Variants in OR10H2 observed in about 807,000 individuals in gnomAD.
OR10H2 encodes the protein olfactory receptor family 10 subfamily H member 2, also known as olfactory receptor 10H2.
A neutral mutation model predicts 0.8 loss-of-function variants in OR10H2; 1 was observed. The observed-to-expected ratio is 1.23, with a 90% CI of 0.44 to 5.84. The LOEUF is 5.84. OR10H2 is among the 30% of genes most tolerant of loss of function. OR10H2 has a pLI of 0.15. For missense variants in OR10H2, 355 were observed against 405.9 expected, an observed-to-expected ratio of 0.87 and a Z score of 1.08; for synonymous variants, 204 against 174.3, an observed-to-expected ratio of 1.17 and a Z score of -1.34.
rs201267971 is a variant in OR10H2, at chr19:15,728,291, C to T, written c.248C>T (p.Ala83Val). Residue 83 changes from alanine (A) to valine (V), a missense_variant, in exon 1 of 1, where the codon GCC becomes GTC. Ala to Val is a moderately conservative substitution (Grantham distance 64). Coordinates refer to ENST00000305899, the MANE Select transcript of OR10H2 (RefSeq NM_013939.2). ...YTVAIIPRML[A>V]DLLSTQRSIA... Reference sequence around the variant, plus strand: ...GTGGCCATCATCCCGCGCATGCTGGCCGACCTGCTGTCCACCCAGCGCTCC... The same window carrying T: ...GTGGCCATCATCCCGCGCATGCTGGTCGACCTGCTGTCCACCCAGCGCTCC... 6.2e-7 allele frequency: 1 copy of T among 1,613,082 alleles called. No individual in the cohort carries two copies. Among genetic ancestry groups the T allele is most frequent in the East Asian group, 2.2e-5 (1 of 44,872 alleles).
Position 15,728,790 on chromosome 19 carries a change from C to T in OR10H2, c.747C>T (p.Val249=), listed in dbSNP as rs769701922. The T allele has an allele frequency of 6.2e-7, 1 of 1,614,178 alleles. No homozygotes were observed. The highest frequency in any genetic ancestry group is 2.2e-5 in the East Asian group (1 of 44,882). Residue 249 remains valine, a synonymous_variant, in exon 1 of 1, where the codon GTC becomes GTT. Coordinates refer to ENST00000305899, the MANE Select transcript of OR10H2 (RefSeq NM_013939.2). ...CCTGTGCCTCTCACCTTATTGTGGTCATTGTGCACTATGGCTTTGCCTCTG... is the reference window on the plus strand; with the variant it reads ...CCTGTGCCTCTCACCTTATTGTGGTTATTGTGCACTATGGCTTTGCCTCTG... ...FSTCASHLIV[V]IVHYGFASVI...
chr19:15,728,448 C>G lies in OR10H2; in HGVS notation c.405C>G (p.Leu135=), dbSNP rs1568435712. Residue 135 remains leucine (L), a synonymous_variant, in exon 1 of 1, where the codon CTC becomes CTG. Transcript: ENST00000305899. ...GCCACCCCCTGCGCTACAACGTGCT[C>G]ATGAGCCCACGGGGCTGCGCCTGCC... is the stretch of plus-strand genomic sequence containing the variant. The part of the protein sequence containing the change: ...AICHPLRYNV[L]MSPRGCACLV... 3 of 1,613,826 alleles carry G rather than the reference C, an allele frequency of 1.9e-6. No individual in the cohort carries two copies. The highest frequency in any genetic ancestry group is 2.5e-6 in the Non-Finnish European group (3 of 1,179,812).
chr19:15,728,970 A>G lies in OR10H2; in HGVS notation c.927A>G (p.Thr309=), dbSNP rs1179509724. ...CCATGAAGAGGACCTTCCTCAGCAC[A>G]CTCTATTCCTCAGGCACCTGAGTAG... ...KVAMKRTFLS[T]LYSSGT The change falls in exon 1 of 1, where the codon ACA becomes ACG. Residue 309 remains threonine, a synonymous_variant. Transcript: ENST00000305899. The G allele has an allele frequency of 6.2e-7, 1 of 1,613,122 alleles. No homozygotes were observed. The highest frequency in any genetic ancestry group is 2.2e-5 in the East Asian group (1 of 44,860).
At position 15,728,853 on chromosome 19, in the gene OR10H2, G is replaced by A; in HGVS notation, c.810G>A (p.Glu270=). The A allele has an allele frequency of 1.9e-6, 3 of 1,614,168 alleles. No homozygotes were observed. The highest frequency in any genetic ancestry group is 2.5e-6 in the Non-Finnish European group (3 of 1,180,020). ...AGCCCAAAGGTCCCCACTCTCAGGA[G>A]GGTGACACCCTGATGGCCACCACCT... ...YLKPKGPHSQ[E]GDTLMATTYA... Residue 270 remains glutamate (E), a synonymous_variant, in exon 1 of 1, where the codon GAG becomes GAA. Coordinates refer to ENST00000305899, the MANE Select transcript of OR10H2 (RefSeq NM_013939.2).
rs1371495540 is a variant in OR10H2 at position 15,728,996 on chromosome 19, C to T, written c.*5C>T. On this transcript the variant is annotated 3_prime_UTR_variant, in exon 1 of 1. Transcript: ENST00000305899. ...CTCTATTCCTCAGGCACCTGAGTAG[C>T]TGGTGTGGAAGTGCTGATAGAATAT... 2 of 1,604,244 alleles carry T rather than the reference C, an allele frequency of 1.2e-6. No homozygotes were observed. The highest frequency in any genetic ancestry group is 2.2e-5 in the South Asian group (2 of 89,770).
rs772152837 is a variant in OR10H2 at position 15,728,888 on chromosome 19, T to C, written c.845T>C (p.Leu282Pro). The C allele has an allele frequency of 2.5e-6, 4 of 1,614,064 alleles. No homozygotes were observed. The highest frequency in any genetic ancestry group is 1.3e-5 in the African/African-American group (1 of 74,920). Residue 282 changes from leucine to proline, a missense_variant, in exon 1 of 1, where the codon CTC becomes CCC. Coordinates refer to ENST00000305899, the MANE Select transcript of OR10H2 (RefSeq NM_013939.2). Reference protein sequence around the residue: ...DTLMATTYAVLTPFLSPIIFS... With the variant: ...DTLMATTYAVPTPFLSPIIFS... ...CTGATGGCCACCACCTACGCAGTCCTCACGCCCTTCCTCAGCCCCATCATC... is the reference window on the plus strand; with the variant it reads ...CTGATGGCCACCACCTACGCAGTCCCCACGCCCTTCCTCAGCCCCATCATC...
At position 15,728,151 on chromosome 19, in the gene OR10H2, G is replaced by C. The variant is rs748527595; in HGVS notation, c.108G>C (p.Leu36=). 3 of 1,614,128 alleles carry C rather than the reference G, an allele frequency of 1.9e-6. No individual in the cohort carries two copies. Among genetic ancestry groups the C allele is most frequent in the Non-Finnish European group, 2.5e-6 (3 of 1,180,000 alleles). ...MLFLLFLLMY[L]FTLLGNLLIM... ...TCCTGCTGTTCCTGCTGATGTACCT[G>C]TTCACGCTGCTGGGCAACCTGCTCA... Residue 36 remains leucine, a synonymous_variant, in exon 1 of 1, where the codon CTG becomes CTC. Coordinates refer to ENST00000305899, the MANE Select transcript of OR10H2 (RefSeq NM_013939.2).
rs1260724749 is a variant in OR10H2 at position 15,728,607 on chromosome 19, C to T, written c.564C>T (p.Ala188=). 6.2e-7 allele frequency: 1 copy of T among 1,614,182 alleles called. No homozygotes were observed. The highest frequency in any genetic ancestry group is 1.7e-5 in the Admixed American group (1 of 60,022). The change falls in exon 1 of 1, where the codon GCC becomes GCT. Residue 188 remains alanine, a synonymous_variant. Transcript: ENST00000305899. The stretch of plus-strand genomic sequence containing the variant: ...ATGTGCCACCTCTGTTGAAGTTGGC[C>T]TGTGGAAATAATGTACCAGCTGTGG... The part of the protein sequence containing the change: ...LCHVPPLLKL[A]CGNNVPAVAL...
At position 15,728,923 on chromosome 19, in the gene OR10H2, A is replaced by G; in HGVS notation, c.880A>G (p.Arg294Gly). Reference sequence around the variant, plus strand: ...CCTCAGCCCCATCATCTTCAGCCTCAGGAACAAAGAACTGAAGGTTGCCAT... The same window carrying G: ...CCTCAGCCCCATCATCTTCAGCCTCGGGAACAAAGAACTGAAGGTTGCCAT... The part of the protein sequence containing the change: ...PFLSPIIFSL[R>G]NKELKVAMKR... The change falls in exon 1 of 1, where the codon AGG becomes GGG. Residue 294 changes from arginine (R) to glycine (G), a missense_variant. Around this residue, in one of 3 missense-constraint regions of OR10H2, gnomAD observed 178 missense variants for 172.8 expected, o/e 1.03. Transcript: ENST00000305899. The G allele has an allele frequency of 6.2e-7, 1 of 1,614,196 alleles. No homozygotes were observed. The highest frequency in any genetic ancestry group is 8.5e-7 in the Non-Finnish European group (1 of 1,180,022).
In OR10H2 at chr19:15,728,213, C is replaced by A. The variant is rs376704842; in HGVS notation, c.170C>A (p.Thr57Lys). ...GTCTGGAGCGAGCGCAGCCTCCACA[C>A]GCCCATGTACCTCTTCCTGTGCGTC... ...ATVWSERSLH[T>K]PMYLFLCVLS... Residue 57 changes from threonine to lysine, a missense_variant, in exon 1 of 1, where the codon ACG becomes AAG. Thr to Lys is a moderately conservative substitution (Grantham distance 78). Coordinates refer to ENST00000305899, the MANE Select transcript of OR10H2 (RefSeq NM_013939.2). 102 of 1,614,268 alleles carry A rather than the reference C, an allele frequency of 6.3e-5. 2 individuals carry two copies. Among genetic ancestry groups the A allele is most frequent in the East Asian group, 4.2e-4 (19 of 44,886 alleles).
chr19:15,728,576 T>C lies in OR10H2; in HGVS notation c.533T>C (p.Leu178Ser), dbSNP rs2144797227. Residue 178 changes from leucine (L) to serine (S), a missense_variant, in exon 1 of 1, where the codon TTA becomes TCA. Physicochemically the swap from Leu to Ser is moderately radical, Grantham distance 145. This residue lies in a region of OR10H2 where 178 missense variants were observed against 172.8 expected (regional missense o/e 1.03). Coordinates refer to ENST00000305899, the MANE Select transcript of OR10H2 (RefSeq NM_013939.2). Reference sequence around the variant, plus strand: ...GGATCCCATGAGATCCAGCATTTTTTATGTCATGTGCCACCTCTGTTGAAG... The same window carrying C: ...GGATCCCATGAGATCCAGCATTTTTCATGTCATGTGCCACCTCTGTTGAAG... ...FCGSHEIQHF[L>S]CHVPPLLKLA... 6.2e-7 allele frequency: 1 copy of C among 1,614,124 alleles called. No homozygotes were observed. Among genetic ancestry groups the C allele is most frequent in the South Asian group, 1.1e-5 (1 of 91,088 alleles).
At position 15,729,008 on chromosome 19, in the gene OR10H2, T is replaced by C. The variant is rs538448571; in HGVS notation, c.*17T>C. Reference sequence around the variant, plus strand: ...GGCACCTGAGTAGCTGGTGTGGAAGTGCTGATAGAATATGATAGGAGGATG... The same window carrying C: ...GGCACCTGAGTAGCTGGTGTGGAAGCGCTGATAGAATATGATAGGAGGATG... On this transcript the variant is annotated 3_prime_UTR_variant, in exon 1 of 1. Transcript: ENST00000305899. The C allele has an allele frequency of 1.9e-6, 3 of 1,591,856 alleles. No individual in the cohort carries two copies. The East Asian group carries it at 6.7e-5, about 36-fold the overall frequency.
At position 15,728,412 on chromosome 19, in the gene OR10H2, C is replaced by T. The variant is rs1326124650; in HGVS notation, c.369C>T (p.Tyr123=). The change falls in exon 1 of 1, where the codon TAC becomes TAT. Residue 123 remains tyrosine, a synonymous_variant. Transcript: ENST00000305899. Reference sequence around the variant, plus strand: ...TCACCGTCATGGGCTACGACCGCTACGTGGCCATCTGCCACCCCCTGCGCT... The same window carrying T: ...TCACCGTCATGGGCTACGACCGCTATGTGGCCATCTGCCACCCCCTGCGCT... ...FLLTVMGYDR[Y]VAICHPLRYN... The T allele has an allele frequency of 7.4e-6, 12 of 1,613,752 alleles. No homozygotes were observed. Among genetic ancestry groups the T allele is most frequent in the African/African-American group, 1.3e-5 (1 of 74,944 alleles).
rs200799646 is a variant in OR10H2 at position 15,728,338 on chromosome 19, A to G, written c.295A>G (p.Ser99Gly). 41 of 1,613,772 alleles carry G rather than the reference A, an allele frequency of 2.5e-5. No individual in the cohort carries two copies. The African/African-American group carries it at 5.5e-4, about 22-fold the overall frequency. The part of the protein sequence containing the change: ...QRSIAFLACA[S>G]QMFFSFSFGF... ...CTCCATCGCCTTCCTGGCCTGTGCC[A>G]GTCAGATGTTCTTCTCCTTCAGCTT... The change falls in exon 1 of 1, where the codon AGT (serine) becomes GGT (glycine). Residue 99 changes from serine (S) to glycine (G), a missense_variant. Physicochemically the swap from Ser to Gly is moderately conservative, Grantham distance 56. Around this residue, in one of 3 missense-constraint regions of OR10H2, gnomAD observed 133 missense variants for 194.7 expected, o/e 0.68. Transcript: ENST00000305899.
Position 15,728,442 on chromosome 19 carries a change from C to A in OR10H2, c.399C>A (p.Asn133Lys). The change falls in exon 1 of 1, where the codon AAC (asparagine) becomes AAA (lysine). Residue 133 changes from asparagine (N) to lysine (K), a missense_variant. Coordinates refer to ENST00000305899, the MANE Select transcript of OR10H2 (RefSeq NM_013939.2). ...CCATCTGCCACCCCCTGCGCTACAA[C>A]GTGCTCATGAGCCCACGGGGCTGCG... The part of the protein sequence containing the change: ...YVAICHPLRY[N>K]VLMSPRGCAC... 3.1e-6 allele frequency: 5 copies of A among 1,613,696 alleles called. No individual in the cohort carries two copies. Among genetic ancestry groups the A allele is most frequent in the Non-Finnish European group, 4.2e-6 (5 of 1,179,748 alleles).
In OR10H2 at chr19:15,729,002, T is replaced by C. The variant is rs1327048940; in HGVS notation, c.*11T>C. The C allele has an allele frequency of 1.3e-6, 2 of 1,597,704 alleles. No homozygotes were observed. The highest frequency in any genetic ancestry group is 4.5e-5 in the East Asian group (2 of 44,768). ...TCCTCAGGCACCTGAGTAGCTGGTG[T>C]GGAAGTGCTGATAGAATATGATAGG... On this transcript the variant is annotated 3_prime_UTR_variant, in exon 1 of 1. Transcript: ENST00000305899.
Position 15,728,244 on chromosome 19 carries a change from A to T in OR10H2, c.201A>T (p.Ser67=). The stretch of plus-strand genomic sequence containing the variant: ...TGTACCTCTTCCTGTGCGTCCTCTC[A>T]GTCTCCGAGATCCTCTACACCGTGG... ...TPMYLFLCVL[S]VSEILYTVAI... is the part of the protein sequence containing the mutation. Residue 67 remains serine, a synonymous_variant, in exon 1 of 1, where the codon TCA becomes TCT. Coordinates refer to ENST00000305899, the MANE Select transcript of OR10H2 (RefSeq NM_013939.2). 1 of 1,613,938 alleles carries T rather than the reference A, an allele frequency of 6.2e-7. No homozygotes were observed. The highest frequency in any genetic ancestry group is 1.3e-5 in the African/African-American group (1 of 74,960).
In OR10H2 at chr19:15,728,210, A is replaced by G; in HGVS notation, c.167A>G (p.His56Arg). The change falls in exon 1 of 1, where the codon CAC (histidine) becomes CGC (arginine). Residue 56 changes from histidine (H) to arginine (R), a missense_variant. Physicochemically the swap from His to Arg is conservative, Grantham distance 29 (BLOSUM62 0). Coordinates refer to ENST00000305899, the MANE Select transcript of OR10H2 (RefSeq NM_013939.2). Reference protein sequence around the residue: ...MATVWSERSLHTPMYLFLCVL... With the variant: ...MATVWSERSLRTPMYLFLCVL... ...ACCGTCTGGAGCGAGCGCAGCCTCC[A>G]CACGCCCATGTACCTCTTCCTGTGC... The G allele has an allele frequency of 1.2e-6, 2 of 1,614,116 alleles. No individual in the cohort carries two copies. The highest frequency in any genetic ancestry group is 1.7e-6 in the Non-Finnish European group (2 of 1,180,008).
chr19:15,728,720 T>A lies in OR10H2; in HGVS notation c.677T>A (p.Ile226Asn). Residue 226 changes from isoleucine to asparagine, a missense_variant, in exon 1 of 1, where the codon ATC (isoleucine) becomes AAC (asparagine). This residue lies in a region of OR10H2 where 178 missense variants were observed against 172.8 expected (regional missense o/e 1.03). Coordinates refer to ENST00000305899, the MANE Select transcript of OR10H2 (RefSeq NM_013939.2). ...TCCTATGCCTTCATCGTGGCCGACA[T>A]CTTGAAGATCCCTTCTGCTGAAGGT... ...LLSYAFIVADILKIPSAEGRN... is the reference protein window; with the variant it reads ...LLSYAFIVADNLKIPSAEGRN... The A allele has an allele frequency of 6.2e-7, 1 of 1,614,202 alleles. No individual in the cohort carries two copies. The highest frequency in any genetic ancestry group is 8.5e-7 in the Non-Finnish European group (1 of 1,180,038).
Sources: allele counts gnomAD v4.1 joint callset, GRCh38; gene constraint gnomAD v4.1.1; regional missense constraint gnomAD v4.1.1; transcripts MANE v1.5; gene names NCBI Gene and HGNC (gene_info 2026-07-23, HGNC 2026-07-21).